Variants in FARS2 observed in about 807,000 individuals in gnomAD.
The protein encoded by FARS2 is phenylalanine--tRNA ligase, mitochondrial.
A neutral mutation model predicts 46.4 loss-of-function variants in FARS2; 40 were observed. That is an observed-to-expected ratio of 0.86 (90% CI 0.67 to 1.12). FARS2 has a LOEUF of 1.12. Ranked by LOEUF, FARS2 falls within the 50% of genes most tolerant of loss-of-function variation. FARS2 has a pLI of 0.00. For missense variants in FARS2, 513 were observed against 567.9 expected (o/e 0.90, Z 0.98); for synonymous variants, 234 against 214.9 (o/e 1.09, Z -0.78).
At chr6:5,382,139 A>G (rs542465297) in intron 2 of FARS2, among the ~76,000 whole-genome samples, 17 of 152,328 alleles carry the variant, frequency 1.1e-4, no homozygotes, top group Admixed American at 2.6e-4. Flanking sequence ...TTTATGAGCT[A>G]TGCTTAAATC....
At chr6:5,491,515 C>G (rs1445008905) in intron 4 of FARS2, among the ~76,000 whole-genome samples, 1 of 152,168 alleles carries the variant, frequency 6.6e-6, no homozygotes, top group Non-Finnish European at 1.5e-5. Flanking sequence ...AATCCTCCAG[C>G]CTGCACTCAA....
chr6:5,645,889 A>G (rs1231667161), intron 6 of FARS2, among the ~76,000 whole-genome samples: 1 of 152,208 alleles, frequency 6.6e-6, no homozygotes, highest in Non-Finnish European at 1.5e-5. Context: ...TACCATTTTT[A>G]GTGCCATGTG....
chr6:5,362,241 G>A (rs1299403410), intron 1 of FARS2, among the ~76,000 whole-genome samples: 2 of 152,156 alleles, frequency 1.3e-5, no homozygotes, highest in Non-Finnish European at 2.9e-5. Context: ...TTGAGTACCT[G>A]TTATATTCCT....
intron 6 of FARS2, among the ~76,000 whole-genome samples, chr6:5,726,239 G>A (rs80037266): frequency 0.033 from 4,981 of 151,780 alleles, 150 homozygotes; most frequent in Non-Finnish European, 0.049. Context: ...TACAATACAC[G>A]TGTGCATGTT....
At chr6:5,569,911 A>G (rs143625296) in intron 5 of FARS2, among the ~76,000 whole-genome samples, 1 of 152,248 alleles carries the variant, frequency 6.6e-6, no homozygotes, top group Non-Finnish European at 1.5e-5. Flanking sequence ...GGACTGCATT[A>G]ACAGGGGTTG....
At chr6:5,488,240 A>G (rs559935343) in intron 4 of FARS2, among the ~76,000 whole-genome samples, 2 of 152,338 alleles carry the variant, frequency 1.3e-5, no homozygotes, top group African/African-American at 4.8e-5. Context: ...CTTCAAGGAA[A>G]AAAGTACAGA....
chr6:5,372,938 G>T (rs1255104709), intron 2 of FARS2, among the ~76,000 whole-genome samples: 1 of 152,132 alleles, frequency 6.6e-6, no homozygotes, highest in Non-Finnish European at 1.5e-5. Flanking sequence ...GTGGAAGGGA[G>T]GTGGGTGTAT....
At chr6:5,536,117 T>G (rs1262058605) in intron 4 of FARS2, among the ~76,000 whole-genome samples, 2 of 150,476 alleles carry the variant, frequency 1.3e-5, no homozygotes, top group Non-Finnish European at 2.9e-5. Context: ...AGTGGCGCGA[T>G]CTTGGCTCAC....
chr6:5,649,785 G>T (rs1012181162), intron 6 of FARS2, among the ~76,000 whole-genome samples: 1 of 152,178 alleles, frequency 6.6e-6, no homozygotes, highest in Non-Finnish European at 1.5e-5. Context: ...ACTCTTATCC[G>T]CTAGGCTGTG....
chr6:5,647,597 T>A (rs1006992749), intron 6 of FARS2, among the ~76,000 whole-genome samples: 2 of 152,202 alleles, frequency 1.3e-5, no homozygotes, highest in African/African-American at 4.8e-5. Context: ...ACTTATTCTG[T>A]CAAACTCACC....
chr6:5,324,653 T>G (rs1020106266), intron 1 of FARS2, among the ~76,000 whole-genome samples: 4 of 152,124 alleles, frequency 2.6e-5, no homozygotes, highest in African/African-American at 9.7e-5. Context: ...GTATGAACAG[T>G]ACACATACTC....
chr6:5,636,829 A>C (rs970593831), intron 6 of FARS2, among the ~76,000 whole-genome samples: 9 of 152,204 alleles, frequency 5.9e-5, no homozygotes, highest in African/African-American at 2.2e-4. Flanking sequence ...GAGCCTCTTC[A>C]TTAGCCTAAG....
At chr6:5,622,559 A>G (rs1775828643) in intron 6 of FARS2, among the ~76,000 whole-genome samples, 1 of 152,180 alleles carries the variant, frequency 6.6e-6, no homozygotes. Flanking sequence ...TCGTGCCCTT[A>G]TAGAAGAGGC....
intron 1 of FARS2, among the ~76,000 whole-genome samples, chr6:5,312,303 C>T (rs539115141): frequency 1.3e-5 from 2 of 152,124 alleles, no homozygotes; most frequent in Non-Finnish European, 2.9e-5. Flanking sequence ...ATCTATAAGT[C>T]TCATAGCTTA....
chr6:5,581,552 G>C (rs1335764954), intron 5 of FARS2, among the ~76,000 whole-genome samples: 1 of 152,152 alleles, frequency 6.6e-6, no homozygotes, highest in Non-Finnish European at 1.5e-5. Context: ...ATGCTTGTTT[G>C]CTCTGAGCCC....
At chr6:5,344,530 C>T (rs1272259196) in intron 1 of FARS2, among the ~76,000 whole-genome samples, 1 of 152,114 alleles carries the variant, frequency 6.6e-6, no homozygotes, top group African/African-American at 2.4e-5. Context: ...AGGGAGGAGG[C>T]AGTGTGTTAT....
At chr6:5,488,009 AG>A (rs997654516) in intron 4 of FARS2, among the ~76,000 whole-genome samples, 1 of 152,204 alleles carries the variant, frequency 6.6e-6, no homozygotes, top group African/African-American at 2.4e-5. Context: ...TCCTTGAAGC[AG>A]TGTTCTTTGC....
chr6:5,455,823 T>A (rs751686183), intron 4 of FARS2, among the ~76,000 whole-genome samples: 1 of 152,230 alleles, frequency 6.6e-6, no homozygotes, highest in African/African-American at 2.4e-5. Flanking sequence ...TCTCTGAGCC[T>A]CAGTTTCTCA....
At chr6:5,347,199 C>T (rs1757294349) in intron 1 of FARS2, among the ~76,000 whole-genome samples, 1 of 152,172 alleles carries the variant, frequency 6.6e-6, no homozygotes, top group Admixed American at 6.5e-5. Context: ...CAGGCGTGAG[C>T]CAGTGTGCCT....
Sources: allele counts gnomAD v4.1 joint callset (sites outside exome capture counted in the v4.1 genomes callset), GRCh38; gene constraint gnomAD v4.1.1; transcripts MANE v1.5; gene names NCBI Gene and HGNC (gene_info 2026-07-23, HGNC 2026-07-21).